Variants in KCNQ5 observed in about 807,000 individuals in gnomAD.
KCNQ5 encodes the protein potassium voltage-gated channel subfamily KQT member 5.
A neutral mutation model predicts 98.2 loss-of-function variants in KCNQ5; 30 were observed. The observed-to-expected ratio is 0.31, with a 90% confidence interval of 0.23 to 0.41. The LOEUF (loss-of-function observed/expected upper bound fraction) is 0.41. KCNQ5 is among the 10% of genes least tolerant of loss of function. The pLI is 1.00. For synonymous variants in KCNQ5, 458 were observed against 449.4 expected, an observed-to-expected ratio of 1.02 and a Z score of -0.24; for missense variants, 835 against 1,182.5, an observed-to-expected ratio of 0.71 and a Z score of 4.31.
At chr6:73,007,318 G>A (rs141484964) in intron 2 of KCNQ5, among the ~76,000 whole-genome samples, 2 of 152,028 alleles carry the variant, frequency 1.3e-5, no homozygotes, top group South Asian at 2.1e-4. Context: ...GACTATAGTC[G>A]GGCTCCATGA....
intron 1 of KCNQ5, among the ~76,000 whole-genome samples, chr6:72,951,954 A>T: frequency 6.6e-6 from 1 of 152,162 alleles, no homozygotes; most frequent in East Asian, 1.9e-4. Context: ...ATAAAATGAA[A>T]TCTCTCTGAA....
rs186833669 is a variant in KCNQ5 at position 72,689,285 on chromosome 6, T to G, written c.398+66698T>G. Among the ~76,000 whole-genome samples, 20 of 152,278 alleles carry G rather than the reference T, an allele frequency of 1.3e-4. 1 individual carries two copies. Among genetic ancestry groups the G allele is most frequent in the Admixed American group, 1.3e-3 (20 of 15,298 alleles). On this transcript the variant is annotated intron_variant, in intron 1 of 13. Transcript: ENST00000370398. ...GGGGCAGTGACTAAGGGACTTTAAG[T>G]CATGAGTCTAATTCCCCTGGGACAT... is the stretch of plus-strand genomic sequence containing the variant.
At chr6:72,842,804 A>T (rs1449209791) in intron 1 of KCNQ5, among the ~76,000 whole-genome samples, 4 of 152,116 alleles carry the variant, frequency 2.6e-5, no homozygotes, top group South Asian at 4.2e-4. Context: ...GTGTCTGTTT[A>T]TATCTTTTGC....
At chr6:72,658,578 A>ATTT (rs1219877866) in intron 1 of KCNQ5, among the ~76,000 whole-genome samples, 1,625 of 76,330 alleles carry the variant, frequency 0.021, 52 homozygotes, top group Non-Finnish European at 0.033. Context: ...ATATATATAT[A>ATTT]TTTTTTTTTT....
intron 1 of KCNQ5, among the ~76,000 whole-genome samples, chr6:72,637,581 CT>C: frequency 6.6e-6 from 1 of 152,204 alleles, no homozygotes; most frequent in East Asian, 1.9e-4. Context: ...CTCTAAAGTG[CT>C]TTTTATCCAT....
intron 1 of KCNQ5, among the ~76,000 whole-genome samples, chr6:72,723,693 G>C (rs1770101099): frequency 6.6e-6 from 1 of 150,854 alleles, no homozygotes; most frequent in African/African-American, 2.4e-5. Context: ...CATATAAATA[G>C]TTTGGTACCT....
At position 73,136,969 on chromosome 6, in the gene KCNQ5, T is replaced by A. The variant is rs2796048; in HGVS notation, c.1468+3328T>A. 1.8e-3 allele frequency among the ~76,000 whole-genome samples: 274 copies of A among 152,258 alleles called. 1 individual carries two copies. Among genetic ancestry groups the A allele is most frequent in the African/African-American group, 6.3e-3 (263 of 41,532 alleles). On this transcript the variant is annotated intron_variant, in intron 10 of 13. Coordinates refer to ENST00000370398, the MANE Select transcript of KCNQ5 (RefSeq NM_019842.4). ...CTCCTCACATATTTTCAGCATTCCA[T>A]TGCCCATTAACATGCTCAGGAGAAT...
chr6:72,674,751 CAG>C (rs1565073427), intron 1 of KCNQ5, among the ~76,000 whole-genome samples: 1 of 152,108 alleles, frequency 6.6e-6, no homozygotes, highest in Non-Finnish European at 1.5e-5. Context: ...GCCTGAGTGA[CAG>C]GGTGAGATCC....
At chr6:73,008,223 G>A (rs1342336) in intron 2 of KCNQ5, among the ~76,000 whole-genome samples, 151,673 of 152,256 alleles carry the variant, frequency 1, 75,549 homozygotes, top group Middle Eastern at 1. Flanking sequence ...TGAAGTATAT[G>A]TAAAACAAAG....
intron 10 of KCNQ5, among the ~76,000 whole-genome samples, chr6:73,162,182 C>T (rs964917177): frequency 1.3e-5 from 2 of 152,014 alleles, no homozygotes; most frequent in African/African-American, 2.4e-5. Flanking sequence ...CTGCCTCAGC[C>T]TCTGAAAGTG....
chr6:72,643,975 G>A (rs886730515), intron 1 of KCNQ5, among the ~76,000 whole-genome samples: 3 of 151,994 alleles, frequency 2.0e-5, no homozygotes, highest in African/African-American at 7.2e-5. Flanking sequence ...TGAAAAGAAT[G>A]AGGTGGATAT....
chr6:72,653,169 T>G (rs1253170269), intron 1 of KCNQ5, among the ~76,000 whole-genome samples: 7 of 151,934 alleles, frequency 4.6e-5, no homozygotes, highest in African/African-American at 1.7e-4. Context: ...TTTTCTGAAT[T>G]TTTCCATGTC....
chr6:72,926,222 T>G (rs77106808), intron 1 of KCNQ5, among the ~76,000 whole-genome samples: 1,666 of 152,224 alleles, frequency 0.011, 13 homozygotes, highest in Middle Eastern at 0.034. Context: ...CTGCCCCCAC[T>G]GAATTTTATT....
intron 1 of KCNQ5, among the ~76,000 whole-genome samples, chr6:72,713,043 TAATA>T (rs753120739): frequency 1.5e-4 from 23 of 152,260 alleles, no homozygotes; most frequent in Admixed American, 3.3e-4. Flanking sequence ...AATATGTACA[TAATA>T]AATAAATGAA....
intron 9 of KCNQ5, among the ~76,000 whole-genome samples, chr6:73,126,995 GA>G (rs1189853965): frequency 6.6e-6 from 1 of 152,116 alleles, no homozygotes; most frequent in East Asian, 1.9e-4. Flanking sequence ...ATAATCTAAG[GA>G]AAGTAAGCTG....
At chr6:72,950,455 A>C (rs1352727025) in intron 1 of KCNQ5, among the ~76,000 whole-genome samples, 2 of 152,202 alleles carry the variant, frequency 1.3e-5, no homozygotes, top group Non-Finnish European at 2.9e-5. Flanking sequence ...GAAAATCCTC[A>C]CTGATTATCG....
intron 1 of KCNQ5, among the ~76,000 whole-genome samples, chr6:72,626,324 T>C (rs9360570): frequency 0.57 from 86,761 of 152,140 alleles, 26,984 homozygotes; most frequent in Middle Eastern, 0.76. Context: ...CAGGTGGGCA[T>C]AGCAGGAGGG....
At chr6:72,771,570 G>A (rs62410663) in intron 1 of KCNQ5, among the ~76,000 whole-genome samples, 2 of 151,526 alleles carry the variant, frequency 1.3e-5, no homozygotes, top group Non-Finnish European at 2.9e-5. Flanking sequence ...TCATATTTAG[G>A]TGCTCTTCCC....
intron 1 of KCNQ5, among the ~76,000 whole-genome samples, chr6:72,946,943 C>G (rs1562086235): frequency 6.6e-6 from 1 of 151,964 alleles, no homozygotes; most frequent in Non-Finnish European, 1.5e-5. Flanking sequence ...AGTCCCCAGA[C>G]TTTTGAGTCT....
Sources: gnomAD v4.1 joint callset for allele counts (sites outside exome capture counted in the v4.1 genomes callset) on GRCh38, gnomAD v4.1.1 for gene constraint, MANE v1.5 for transcripts, NCBI Gene and HGNC (gene_info 2026-07-23, HGNC 2026-07-21) for gene names.